Variants in MSH4 observed in about 807,000 individuals in gnomAD.
The protein encoded by MSH4 is mutS homolog 4.
In MSH4, 106 loss-of-function variants were observed where a neutral mutation model predicts 113.7. The observed-to-expected ratio is 0.93, with a 90% CI of 0.80 to 1.10. The LOEUF (loss-of-function observed/expected upper bound fraction) is 1.10. Ranked by LOEUF, MSH4 falls within the 50% of genes least tolerant of loss-of-function variation. MSH4 has a pLI of 0.00. For missense variants in MSH4, 1,061 were observed against 1,093.7 expected (o/e 0.97, Z 0.42); for synonymous variants, 368 against 380.2 (o/e 0.97, Z 0.37).
In MSH4 at chr1:75,803,729, A is replaced by G. The variant is rs753881936; in HGVS notation, c.245-2A>G. 1.3e-6 allele frequency: 2 copies of G among 1,543,282 alleles called. No homozygotes were observed. Among genetic ancestry groups the G allele is most frequent in the South Asian group, 1.3e-5 (1 of 78,508 alleles). On this transcript the variant is annotated splice_acceptor_variant, in intron 1 of 19. Coordinates refer to ENST00000263187, the MANE Select transcript of MSH4 (RefSeq NM_002440.4). LOFTEE classifies it high-confidence loss of function. ...AATTGACTGTTAATTTTTCAAATTT[A>G]GGTTCATACTTTGGAAACAAAAGAG... is the stretch of plus-strand genomic sequence containing the variant.
In MSH4 at chr1:75,803,773, T is replaced by G; in HGVS notation, c.287T>G (p.Val96Gly). 1.2e-6 allele frequency: 2 copies of G among 1,600,250 alleles called. No individual in the cohort carries two copies. Among genetic ancestry groups the G allele is most frequent in the Non-Finnish European group, 1.7e-6 (2 of 1,175,596 alleles). The change falls in exon 2 of 20, where the codon GTT becomes GGT. Residue 96 changes from valine to glycine, a missense_variant. By Grantham distance (109) the Val-to-Gly change is moderately radical (BLOSUM62 -3). Transcript: ENST00000263187. ...AAAAGAGCTTATGCAGAAAACACAG[T>G]TGCATCAAATTTTACTTTTGGTGCA... ...GNKRAYAENTVASNFTFGASS... is the reference protein window; with the variant it reads ...GNKRAYAENTGASNFTFGASS...
At chr1:75,897,274 G>T (rs375058451) in intron 17 of MSH4, among the ~76,000 whole-genome samples, 1 of 152,092 alleles carries the variant, frequency 6.6e-6, no homozygotes, top group African/African-American at 2.4e-5. Context: ...ATTTTTCAGG[G>T]GATATGTACC....
intron 9 of MSH4, 78 bp downstream of exon 9, chr1:75,867,666 C>T (rs1002554944): frequency 2.5e-5 from 23 of 902,514 alleles, no homozygotes; most frequent in African/African-American, 1.2e-4. Context: ...ATTTCAAACT[C>T]GGAAAATTGC....
chr1:75,879,397 A>G lies in MSH4; in HGVS notation c.1677+269A>G, dbSNP rs181868170. ...AAAGAACATCCAAAAGCTGTTTATGATAAAAGAAATTAGGAAAATACCACA... is the reference window on the plus strand; with the variant it reads ...AAAGAACATCCAAAAGCTGTTTATGGTAAAAGAAATTAGGAAAATACCACA... On this transcript the variant is annotated intron_variant, in intron 12 of 19. Transcript: ENST00000263187. Among the ~76,000 whole-genome samples the G allele has an allele frequency of 1.4e-3, 220 of 152,334 alleles. No individual in the cohort carries two copies. Among genetic ancestry groups the G allele is most frequent in the African/African-American group, 5.2e-3 (216 of 41,588 alleles).
At position 75,913,053 on chromosome 1, in the gene MSH4, T is replaced by C. The variant is rs5745551; in HGVS notation, c.*166T>C. 1,358 of 358,532 alleles carry C rather than the reference T, an allele frequency of 3.8e-3. 13 individuals are homozygous for C. Among genetic ancestry groups the C allele is most frequent in the African/African-American group, 0.027 (1,261 of 47,486 alleles). The allele number at this position is 358,532 out of a possible 1,614,324, so 22.2% of individuals were successfully genotyped here. A position where few individuals can be genotyped will look rare whatever the true frequency, so the allele number is the denominator to read the frequency against. Reference sequence around the variant, plus strand: ...ATATATTCTATATGAAAAATATTTATTATAACTTAACAAATGAGAACTACT... The same window carrying C: ...ATATATTCTATATGAAAAATATTTACTATAACTTAACAAATGAGAACTACT... On this transcript the variant is annotated 3_prime_UTR_variant, in exon 20 of 20. Transcript: ENST00000263187.
chr1:75,877,363 T>C (rs1651837785), intron 10 of MSH4, among the ~76,000 whole-genome samples: 1 of 152,138 alleles, frequency 6.6e-6, no homozygotes, highest in Non-Finnish European at 1.5e-5. Flanking sequence ...AAATAGTAGA[T>C]ATAAATATTG....
chr1:75,871,017 C>G (rs35424470), intron 9 of MSH4, among the ~76,000 whole-genome samples: 12,769 of 152,120 alleles, frequency 0.084, 790 homozygotes, highest in African/African-American at 0.17. Context: ...AAAGAACTAC[C>G]AAAGACTGGG....
At chr1:75,813,936 T>TA (rs1650240554) in intron 4 of MSH4, among the ~76,000 whole-genome samples, 2 of 152,178 alleles carry the variant, frequency 1.3e-5, no homozygotes, top group Non-Finnish European at 2.9e-5. Context: ...AGTCTCAGCT[T>TA]TGGCACAGAT....
chr1:75,879,933 A>G, intron 12 of MSH4, 117 bp from the exon 13 acceptor site: 1 of 620,140 alleles, frequency 1.6e-6, no homozygotes, highest in Non-Finnish European at 2.9e-6. Context: ...TCTTTGTGAT[A>G]CCATATCTCA....
At chr1:75,800,213 A>G (rs1649905756) in intron 1 of MSH4, among the ~76,000 whole-genome samples, 1 of 152,144 alleles carries the variant, frequency 6.6e-6, no homozygotes, top group Admixed American at 6.6e-5. Flanking sequence ...AGAAATGCTA[A>G]TGGAGCACAT....
chr1:75,904,791 C>G (rs902949571), intron 19 of MSH4, among the ~76,000 whole-genome samples: 1 of 151,990 alleles, frequency 6.6e-6, no homozygotes, highest in African/African-American at 2.4e-5. Context: ...TAGGTCTATT[C>G]TTGTTTTCTA....
intron 7 of MSH4, among the ~76,000 whole-genome samples, chr1:75,834,504 A>G (rs1346638092): frequency 1.3e-5 from 2 of 152,248 alleles, no homozygotes; most frequent in East Asian, 1.9e-4. Flanking sequence ...GGCACTATTC[A>G]CAGTAGCAAA....
rs989673777 is a variant in MSH4 at position 75,853,339 on chromosome 1, A to G, written c.1230+5063A>G. Among the ~76,000 whole-genome samples, 8 of 152,272 alleles carry G rather than the reference A, an allele frequency of 5.3e-5. No homozygotes were observed. In the East Asian group the frequency reaches 1.2e-3, roughly 22 times the overall value. ...CTCAGCCTCCCAAAGTACTGGGGTT[A>G]CAGGCGTGAACCACCACACCTGGCC... On this transcript the variant is annotated intron_variant, in intron 8 of 19. Coordinates refer to ENST00000263187, the MANE Select transcript of MSH4 (RefSeq NM_002440.4).
At chr1:75,848,563 C>A (rs1242348106) in intron 8 of MSH4, among the ~76,000 whole-genome samples, 2 of 152,102 alleles carry the variant, frequency 1.3e-5, no homozygotes, top group Non-Finnish European at 2.9e-5. Context: ...GAAAGTGAGA[C>A]CCCATCTCTA....
chr1:75,867,189 A>C (rs972604341), intron 8 of MSH4, among the ~76,000 whole-genome samples: 1 of 152,154 alleles, frequency 6.6e-6, no homozygotes. Flanking sequence ...TTTTTCAGTT[A>C]ATCTTAGTCT....
In MSH4 at chr1:75,897,850, A is replaced by C. The variant is rs902285560; in HGVS notation, c.2356-57A>C. 227 of 1,123,244 alleles carry C rather than the reference A, an allele frequency of 2.0e-4. 2 individuals carry two copies. Among genetic ancestry groups the C allele is most frequent in the Non-Finnish European group, 4.7e-5 (40 of 854,170 alleles). The allele number at this position is 1,123,244 out of a possible 1,614,324, so 69.6% of individuals were successfully genotyped here. ...AATTTTATGTTCACATAGTTAAAAT[A>C]GAATTTTCTAGTTAATTTTTAAAGT... On this transcript the variant is annotated intron_variant, in intron 17 of 19. Transcript: ENST00000263187.
intron 7 of MSH4, among the ~76,000 whole-genome samples, chr1:75,831,868 T>G (rs1395399947): frequency 6.6e-6 from 1 of 151,894 alleles, no homozygotes; most frequent in Non-Finnish European, 1.5e-5. Flanking sequence ...ACATCACAAT[T>G]AAAAGAACTA....
intron 9 of MSH4, 26 bp from the exon 10 acceptor site, chr1:75,876,910 A>T: frequency 1.5e-6 from 2 of 1,335,810 alleles, no homozygotes; most frequent in Non-Finnish European, 2.1e-6. Context: ...GATTATCCTT[A>T]ACTTTTTTAT....
chr1:75,822,509 A>G lies in MSH4; in HGVS notation c.1090A>G (p.Thr364Ala). Residue 364 changes from threonine to alanine, a missense_variant, in exon 7 of 20, where the codon ACC (threonine) becomes GCC (alanine). By Grantham distance (58) the Thr-to-Ala change is moderately conservative (BLOSUM62 0). Coordinates refer to ENST00000263187, the MANE Select transcript of MSH4 (RefSeq NM_002440.4). The stretch of plus-strand genomic sequence containing the variant: ...ATTAGAGCCTCTAGTTGATATTGAA[A>G]CCATTAACATGAGATTAGATTGTGT... The part of the protein sequence containing the change: ...NILEPLVDIE[T>A]INMRLDCVQE... The G allele has an allele frequency of 6.3e-7, 1 of 1,587,376 alleles. No homozygotes were observed. The highest frequency in any genetic ancestry group is 2.3e-5 in the East Asian group (1 of 43,334).
Sources: allele counts gnomAD v4.1 joint callset (sites outside exome capture counted in the v4.1 genomes callset), GRCh38; gene constraint gnomAD v4.1.1; transcripts MANE v1.5; gene names NCBI Gene and HGNC (gene_info 2026-07-23, HGNC 2026-07-21).